The following CCDC33 variants were observed in gnomAD, a reference collection of about 807,000 sequenced individuals.
CCDC33 encodes coiled-coil domain-containing protein 33.
In CCDC33, 94 loss-of-function variants were observed where a neutral mutation model predicts 91.9. That is an observed-to-expected ratio of 1.02 (90% confidence interval 0.87 to 1.21). The LOEUF is 1.21. CCDC33 is among the 50% of genes most tolerant of loss of function. The pLI, the probability that CCDC33 is intolerant of heterozygous loss-of-function variation, is 0.00. For missense variants in CCDC33, 940 were observed against 935.5 expected (o/e 1.00, Z -0.06); for synonymous variants, 396 against 374.5 (o/e 1.06, Z -0.66).
rs780212879 is a variant in CCDC33 at position 74,217,543 on chromosome 15, C to G, written c.272C>G (p.Thr91Ser). 3.0e-5 allele frequency: 38 copies of G among 1,268,106 alleles called. No homozygotes were observed. In the Admixed American group the frequency reaches 4.1e-4, roughly 14 times the overall value. The allele number at this position is 1,268,106 out of a possible 1,614,324, so 78.6% of individuals were successfully genotyped here. The stretch of plus-strand genomic sequence containing the variant: ...CAGCAGGAGCCTGGCCAGAGCCTCA[C>G]CCTCACCAGGAGCAAGTTTATCTTT... The change falls in exon 1 of 3, where the codon ACC (threonine) becomes AGC (serine). Residue 91 changes from threonine to serine, a missense_variant. Transcript: ENST00000635913.
intron 11 of CCDC33, among the ~76,000 whole-genome samples, chr15:74,296,924 G>A (rs1469791227): frequency 6.6e-6 from 1 of 152,202 alleles, no homozygotes; most frequent in Non-Finnish European, 1.5e-5. Context: ...GGTCCCATGG[G>A]GAACGCTGCT....
At chr15:74,240,400 G>A (rs1427375694) in intron 1 of CCDC33, among the ~76,000 whole-genome samples, 3 of 152,148 alleles carry the variant, frequency 2.0e-5, no homozygotes, top group Non-Finnish European at 4.4e-5. Flanking sequence ...CTCATGAGAG[G>A]CCCTGTGCCC....
intron 1 of CCDC33, among the ~76,000 whole-genome samples, chr15:74,208,334 C>T (rs1336357409): frequency 1.3e-5 from 2 of 152,146 alleles, no homozygotes; most frequent in Non-Finnish European, 2.9e-5. Flanking sequence ...ATGAAGATTC[C>T]CCAGCTATAA....
intron 11 of CCDC33, among the ~76,000 whole-genome samples, chr15:74,313,065 G>A (rs901808471): frequency 1.1e-4 from 17 of 152,190 alleles, no homozygotes; most frequent in Non-Finnish European, 8.8e-5. Context: ...TTCTTGTTAC[G>A]AGAACAGTGA....
At chr15:74,249,462 T>C (rs3848164) in intron 2 of CCDC33, among the ~76,000 whole-genome samples, 89,778 of 151,474 alleles carry the variant, frequency 0.59, 29,835 homozygotes, top group Non-Finnish European at 0.76. Flanking sequence ...CACTCCAGCC[T>C]GGGTGACAGA....
intron 2 of CCDC33, among the ~76,000 whole-genome samples, chr15:74,247,911 T>C (rs2075588203): frequency 6.6e-6 from 1 of 152,086 alleles, no homozygotes; most frequent in Non-Finnish European, 1.5e-5. Flanking sequence ...ACCCCATCTC[T>C]ATTAAAAATA....
At chr15:74,251,969 G>T (rs1377759133) in intron 2 of CCDC33, among the ~76,000 whole-genome samples, 1 of 152,162 alleles carries the variant, frequency 6.6e-6, no homozygotes, top group Non-Finnish European at 1.5e-5. Context: ...TCGCCACCCA[G>T]TCCTATAATT....
intron 10 of CCDC33, among the ~76,000 whole-genome samples, chr15:74,283,463 C>T (rs1053625807): frequency 1.3e-5 from 2 of 152,200 alleles, no homozygotes; most frequent in African/African-American, 4.8e-5. Context: ...CCCCATTGCC[C>T]AGGGGCTGGG....
chr15:74,214,864 G>A (rs2074399381), upstream of CCDC33, among the ~76,000 whole-genome samples: 3 of 152,210 alleles, frequency 2.0e-5, no homozygotes, highest in African/African-American at 7.2e-5. Context: ...TGCATAAGTA[G>A]AAGCTGGGTT....
intron 11 of CCDC33, among the ~76,000 whole-genome samples, chr15:74,318,328 G>A (rs1257046408): frequency 1.3e-5 from 2 of 152,052 alleles, no homozygotes; most frequent in East Asian, 1.9e-4. Flanking sequence ...CCTGGGCCAG[G>A]GGAGTCAGAA....
chr15:74,208,858 A>C, intron 1 of CCDC33: 1 of 987,862 alleles, frequency 1.0e-6, no homozygotes, highest in Non-Finnish European at 1.2e-6. Context: ...TCCTTTATTG[A>C]TCTCTCCCGG....
rs182051153 is a variant in CCDC33, at chr15:74,307,684, C to A, written c.1290+11736C>A. Among the ~76,000 whole-genome samples the A allele has an allele frequency of 2.1e-3, 321 of 152,010 alleles. 1 individual carries two copies. Among genetic ancestry groups the A allele is most frequent in the African/African-American group, 7.5e-3 (312 of 41,462 alleles). On this transcript the variant is annotated intron_variant, in intron 11 of 18. Coordinates refer to ENST00000398814, the MANE Select transcript of CCDC33 (RefSeq NM_025055.5). ...TCAGGCCACCCCCTGCCGAGTTCCACCTGGAACATTTGAGAGTATAAGCAA... is the reference window on the plus strand; with the variant it reads ...TCAGGCCACCCCCTGCCGAGTTCCAACTGGAACATTTGAGAGTATAAGCAA...
intron 2 of CCDC33, among the ~76,000 whole-genome samples, chr15:74,250,469 G>A (rs578151814): frequency 8.5e-5 from 13 of 152,130 alleles, no homozygotes; most frequent in Admixed American, 2.6e-4. Flanking sequence ...AACATTCTGA[G>A]AAACATTCCC....
At chr15:74,326,199 C>T (rs759604616) in intron 11 of CCDC33, among the ~76,000 whole-genome samples, 1 of 152,208 alleles carries the variant, frequency 6.6e-6, no homozygotes, top group Non-Finnish European at 1.5e-5. Context: ...GTGGCACACA[C>T]CTGTAGTCCC....
chr15:74,248,705 C>T (rs2075613501), intron 2 of CCDC33, among the ~76,000 whole-genome samples: 1 of 152,130 alleles, frequency 6.6e-6, no homozygotes. Context: ...CTTAAGGAGG[C>T]ACCAGGCTTG....
chr15:74,274,466 C>T (rs1162687573), intron 7 of CCDC33, among the ~76,000 whole-genome samples: 2 of 152,164 alleles, frequency 1.3e-5, no homozygotes, highest in Non-Finnish European at 2.9e-5. Context: ...AAAAATAGAA[C>T]AAGACACCCC....
chr15:74,285,718 G>T (rs537975591), intron 10 of CCDC33, among the ~76,000 whole-genome samples: 1 of 152,018 alleles, frequency 6.6e-6, no homozygotes, highest in East Asian at 1.9e-4. Flanking sequence ...GAAGGTGGTT[G>T]GTTGGTGATG....
intron 10 of CCDC33, among the ~76,000 whole-genome samples, chr15:74,284,972 C>T (rs77903372): frequency 0.015 from 2,258 of 152,346 alleles, 46 homozygotes; most frequent in East Asian, 0.084. Flanking sequence ...CAGAAGCCAC[C>T]ACCTGACACC....
chr15:74,221,386 A>G (rs2074593099), intron 2 of CCDC33: 1 of 879,220 alleles, frequency 1.1e-6, no homozygotes, highest in African/African-American at 1.8e-5. Context: ...AGAGCTCAGC[A>G]AACTTCCACG....
Sources: allele counts gnomAD v4.1 joint callset (sites outside exome capture counted in the v4.1 genomes callset), GRCh38; gene constraint gnomAD v4.1.1; transcripts MANE v1.5; gene names NCBI Gene and HGNC (gene_info 2026-07-23, HGNC 2026-07-21).